MYCL: variants seen among roughly 807,000 people sequenced by gnomAD.
The protein encoded by MYCL is MYCL proto-oncogene, bHLH transcription factor.
A neutral mutation model predicts 31.0 loss-of-function variants in MYCL; 11 were observed. The observed-to-expected ratio is 0.35, with a 90% CI of 0.22 to 0.59. The LOEUF (loss-of-function observed/expected upper bound fraction) is 0.59. Ranked by LOEUF, MYCL falls within the 20% of genes least tolerant of loss-of-function variation. The pLI is 0.79. For synonymous variants in MYCL, 208 were observed against 202.4 expected, an observed-to-expected ratio of 1.03 and a Z score of -0.23; for missense variants, 427 against 486.1, an observed-to-expected ratio of 0.88 and a Z score of 1.14.
intron 1 of MYCL, chr1:39,899,855 G>C: frequency 3.0e-6 from 3 of 985,358 alleles, no homozygotes; most frequent in Non-Finnish European, 3.6e-6. Context: ...AAAAGCTACA[G>C]TGAGCTTTCT....
In MYCL at chr1:39,896,542, G is replaced by A. The variant is rs1329654260; in HGVS notation, c.*830C>T. The A allele has an allele frequency of 4.6e-6, 1 of 215,250 alleles. No individual in the cohort carries two copies. The highest frequency in any genetic ancestry group is 9.4e-6 in the Non-Finnish European group (1 of 106,378). 13.3% of individuals were successfully genotyped at this position (215,250 alleles called of 1,614,324 possible). On this transcript the variant is annotated 3_prime_UTR_variant, in exon 2 of 2. Coordinates refer to ENST00000372816, the MANE Select transcript of MYCL (RefSeq NM_001033081.3). ...GACTCCAAGCTATCCCCAGGCCCCA[G>A]GCTAGGACCGATTTCCCTGTGTCTT... is the stretch of plus-strand genomic sequence containing the variant.
At chr1:39,900,197 G>A (rs1557606783) in intron 1 of MYCL, 1 of 985,506 alleles carries the variant, frequency 1.0e-6, no homozygotes, top group East Asian at 1.1e-4. Context: ...AGGACAAACA[G>A]CAAGGCAAGG....
At position 39,897,521 on chromosome 1, in the gene MYCL, T is replaced by G; in HGVS notation, c.946A>C (p.Lys316Gln). ...CTTAGGATCACTACTTTGGGGGCCT[T>G]GGAGCAGCTGGCCAGGGTGGGCACC... ...DQVPTLASCS[K>Q]APKVVILSKA... Residue 316 changes from lysine (K) to glutamine (Q), a missense_variant, in exon 2 of 2, where the codon AAG (lysine) becomes CAG (glutamine). Coordinates refer to ENST00000372816, the MANE Select transcript of MYCL (RefSeq NM_001033081.3). The surrounding 1 kb of genome is among the most constrained non-coding windows in gnomAD (Gnocchi z 4.3). The G allele has an allele frequency of 6.2e-7, 1 of 1,614,206 alleles. No homozygotes were observed. The highest frequency in any genetic ancestry group is 8.5e-7 in the Non-Finnish European group (1 of 1,180,032).
At position 39,901,257 on chromosome 1, in the gene MYCL, G is replaced by C. The variant is rs370023751; in HGVS notation, c.178C>G (p.Pro60Ala). The change falls in exon 1 of 2, where the codon CCC becomes GCC. Residue 60 changes from proline (P) to alanine (A), a missense_variant. Coordinates refer to ENST00000372816, the MANE Select transcript of MYCL (RefSeq NM_001033081.3). This position sits in a 1 kb window ranked among gnomAD's most constrained non-coding sequence, Gnocchi z 6.9. Reference sequence around the variant, plus strand: ...CACCCTCCGGGCCACGGCTCCGGGGGACCAATCCCGGGGGCCGGGTCCCCT... The same window carrying C: ...CACCCTCCGGGCCACGGCTCCGGGGCACCAATCCCGGGGGCCGGGTCCCCT... ...GAGDPAPGIG[P>A]PEPWPGGCTG... 6.2e-7 allele frequency: 1 copy of C among 1,604,658 alleles called. No homozygotes were observed. Among genetic ancestry groups the C allele is most frequent in the South Asian group, 1.1e-5 (1 of 89,938 alleles).
Position 39,901,458 on chromosome 1 carries a change from G to T in MYCL, c.-24C>A, listed in dbSNP as rs780714998. On this transcript the variant is annotated 5_prime_UTR_variant, in exon 1 of 2. Coordinates refer to ENST00000372816, the MANE Select transcript of MYCL (RefSeq NM_001033081.3). This position sits in a 1 kb window ranked among gnomAD's most constrained non-coding sequence, Gnocchi z 6.9. ...ATGTCCGCTCCCTGCGGGAGGGAAG[G>T]GGGGACGTGCTGACCGGGTGCCGGC... 6 of 1,604,074 alleles carry T rather than the reference G, an allele frequency of 3.7e-6. No homozygotes were observed. In the Admixed American group the frequency reaches 5.0e-5, roughly 13 times the overall value.
At position 39,896,745 on chromosome 1, in the gene MYCL, C is replaced by T. The variant is rs1028752838; in HGVS notation, c.*627G>A. 2 of 217,336 alleles carry T rather than the reference C, an allele frequency of 9.2e-6. No individual in the cohort carries two copies. The highest frequency in any genetic ancestry group is 4.5e-5 in the African/African-American group (2 of 44,436). The allele number at this position is 217,336 out of a possible 1,614,324, so 13.5% of individuals were successfully genotyped here. A position where few individuals can be genotyped will look rare whatever the true frequency, so the allele number is the denominator to read the frequency against. On this transcript the variant is annotated 3_prime_UTR_variant, in exon 2 of 2. Transcript: ENST00000372816. ...AGCTTTTTAAGTGTTCCCAGGGTCG[C>T]AGCATTGGGAGTGGGAGGAAGGGGG... is the stretch of plus-strand genomic sequence containing the variant.
intron 1 of MYCL, chr1:39,898,771 G>A (rs1417315579): frequency 1.0e-6 from 1 of 985,368 alleles, no homozygotes; most frequent in Non-Finnish European, 1.2e-6. Flanking sequence ...CTGGGCAGCA[G>A]AATGTCCCAG....
rs796812252 is a variant in MYCL, at chr1:39,900,561, G to GT, written c.496+377dup. The GT allele has an allele frequency of 5.0e-6, 6 of 1,189,356 alleles. No homozygotes were observed. In the African/African-American group the frequency reaches 9.4e-5, roughly 19 times the overall value. 73.7% of individuals were successfully genotyped at this position (1,189,356 alleles called of 1,614,324 possible). A position where few individuals can be genotyped will look rare whatever the true frequency, so the allele number is the denominator to read the frequency against. On this transcript the variant is annotated intron_variant, in intron 1 of 1. Transcript: ENST00000372816. The stretch of plus-strand genomic sequence containing the variant: ...CGGCTTCTTCTCCCCCTAGGGGAGT[G>GT]TGAGTTTCCTAGGGAAAGAGGCAGC...
chr1:39,898,810 G>A, intron 1 of MYCL: 1 of 985,476 alleles, frequency 1.0e-6, no homozygotes, highest in Non-Finnish European at 1.2e-6. Flanking sequence ...CAGAGACCTG[G>A]AGACACCTGG....
At chr1:39,900,240 C>T (rs1644523003) in intron 1 of MYCL, 1 of 985,532 alleles carries the variant, frequency 1.0e-6, no homozygotes, top group Non-Finnish European at 1.2e-6. Flanking sequence ...ACCACAAAGA[C>T]CCCAAACATC....
chr1:39,898,869 C>CT (rs1302883682), intron 1 of MYCL: 1 of 985,334 alleles, frequency 1.0e-6, no homozygotes, highest in African/African-American at 1.7e-5. Flanking sequence ...GTTAACCTAA[C>CT]CAGGAGAGGG....
intron 1 of MYCL, chr1:39,900,340 A>C (rs754644419): frequency 4.1e-6 from 4 of 985,694 alleles, no homozygotes; most frequent in Non-Finnish European, 4.8e-6. Context: ...GTGATTGTCT[A>C]TCTCTAAGCC....
In MYCL at chr1:39,901,619, G is replaced by C; in HGVS notation, c.-185C>G. On this transcript the variant is annotated 5_prime_UTR_variant, in exon 1 of 2. Coordinates refer to ENST00000372816, the MANE Select transcript of MYCL (RefSeq NM_001033081.3). This position sits in a 1 kb window ranked among gnomAD's most constrained non-coding sequence, Gnocchi z 6.9. Reference sequence around the variant, plus strand: ...CCGGGCCCCGGGTCAGAGTGGTAGGGGAAGCCAATCGCAGCGCGCGGACCC... The same window carrying C: ...CCGGGCCCCGGGTCAGAGTGGTAGGCGAAGCCAATCGCAGCGCGCGGACCC... 2 of 1,399,248 alleles carry C rather than the reference G, an allele frequency of 1.4e-6. No individual in the cohort carries two copies. Among genetic ancestry groups the C allele is most frequent in the Non-Finnish European group, 1.8e-6 (2 of 1,085,120 alleles). The allele number at this position is 1,399,248 out of a possible 1,614,324, so 86.7% of individuals were successfully genotyped here.
chr1:39,900,963 C>T lies in MYCL; in HGVS notation c.472G>A (p.Gly158Arg), dbSNP rs1370867291. ...CCCGAGTCGCTTGGGCTCTCGGACC[C>T]GGAGCAGGCCTGGGTCTTGGGTTCG... ...LGEPKTQACS[G>R]SESPSDSENE... The change falls in exon 1 of 2, where the codon GGG (glycine) becomes AGG (arginine). Residue 158 changes from glycine to arginine, a missense_variant. Transcript: ENST00000372816. The T allele has an allele frequency of 1.3e-6, 2 of 1,494,154 alleles. No homozygotes were observed. Among genetic ancestry groups the T allele is most frequent in the Non-Finnish European group, 1.8e-6 (2 of 1,122,892 alleles). The allele number at this position is 1,494,154 out of a possible 1,614,324, so 92.6% of individuals were successfully genotyped here.
rs768414390 is a variant in MYCL, at chr1:39,897,942, T to G, written c.525A>C (p.Val175=). The G allele has an allele frequency of 6.2e-7, 1 of 1,613,802 alleles. No individual in the cohort carries two copies. Among genetic ancestry groups the G allele is most frequent in the Non-Finnish European group, 8.5e-7 (1 of 1,179,764 alleles). ...SENEEIDVVT[V]EKRQSLGIRK... ...GAATACCCAGAGACTGCCTCTTCTC[T>G]ACTGTCACAACATCAATTTCTTCAT... Residue 175 remains valine (V), a synonymous_variant, in exon 2 of 2, where the codon GTA becomes GTC. Transcript: ENST00000372816. The surrounding 1 kb of genome is among the most constrained non-coding windows in gnomAD (Gnocchi z 4.3).
chr1:39,901,529 G>T lies in MYCL; in HGVS notation c.-95C>A. On this transcript the variant is annotated 5_prime_UTR_variant, in exon 1 of 2. Coordinates refer to ENST00000372816, the MANE Select transcript of MYCL (RefSeq NM_001033081.3). This position sits in a 1 kb window ranked among gnomAD's most constrained non-coding sequence, Gnocchi z 6.9. ...GGGTCCCTCGGCACAGTCGGCTGCC[G>T]GGCTCTCGTTCCTCCCCAACCCCAC... 6.6e-7 allele frequency: 1 copy of T among 1,511,370 alleles called. No individual in the cohort carries two copies. Among genetic ancestry groups the T allele is most frequent in the Non-Finnish European group, 8.8e-7 (1 of 1,142,268 alleles). 93.6% of individuals were successfully genotyped at this position (1,511,370 alleles called of 1,614,324 possible).
At position 39,901,358 on chromosome 1, in the gene MYCL, C is replaced by T; in HGVS notation, c.77G>A (p.Ser26Asn). 1 of 1,611,300 alleles carries T rather than the reference C, an allele frequency of 6.2e-7. No individual in the cohort carries two copies. Among genetic ancestry groups the T allele is most frequent in the Middle Eastern group, 1.7e-4 (1 of 6,052 alleles). ...GEDFYRSTAP[S>N]EDIWKKFELV... ...CTCGAATTTCTTCCAGATGTCCTCGCTGGGCGCCGTGGAGCGGTAGAAATC... is the reference window on the plus strand; with the variant it reads ...CTCGAATTTCTTCCAGATGTCCTCGTTGGGCGCCGTGGAGCGGTAGAAATC... Residue 26 changes from serine to asparagine, a missense_variant, in exon 1 of 2, where the codon AGC becomes AAC. By Grantham distance (46) the Ser-to-Asn change is conservative. Coordinates refer to ENST00000372816, the MANE Select transcript of MYCL (RefSeq NM_001033081.3). The surrounding 1 kb of genome is among the most constrained non-coding windows in gnomAD (Gnocchi z 6.9).
intron 1 of MYCL, chr1:39,899,134 C>G: frequency 1.0e-6 from 1 of 954,618 alleles, no homozygotes; most frequent in Non-Finnish European, 1.2e-6. Flanking sequence ...GTTTGGACTT[C>G]TGTCTTACCC....
intron 1 of MYCL, 182 bp downstream of exon 1, chr1:39,900,757 T>C: frequency 7.1e-7 from 1 of 1,417,316 alleles, no homozygotes; most frequent in African/African-American, 1.5e-5. Flanking sequence ...TTTTCCAAAC[T>C]GTTTACCAAC....
Sources: gnomAD v4.1 joint callset for allele counts on GRCh38, gnomAD v4.1.1 for gene constraint, Gnocchi (gnomAD v3.1) non-coding constraint, MANE v1.5 for transcripts, NCBI Gene and HGNC (gene_info 2026-07-23, HGNC 2026-07-21) for gene names.